The following SEZ6L2 variants were observed in gnomAD, a reference collection of about 807,000 sequenced individuals.
SEZ6L2 encodes seizure related 6 homolog like 2, also known as seizure 6-like protein 2.
SEZ6L2 carries 44 observed loss-of-function variants against 97.0 expected under a neutral mutation model. The observed-to-expected ratio is 0.45, with a 90% CI of 0.36 to 0.58. SEZ6L2 has a LOEUF of 0.58. Among genes scored for constraint, SEZ6L2 ranks in the 20% least tolerant of loss-of-function variants. SEZ6L2 has a pLI of 0.00. For missense variants in SEZ6L2, 1,086 were observed against 1,233.3 expected (o/e 0.88, Z 1.79); for synonymous variants, 543 against 546.1 (o/e 0.99, Z 0.08).
intron 7 of SEZ6L2, among the ~76,000 whole-genome samples, chr16:29,886,593 A>G (rs962220104): frequency 4.6e-5 from 7 of 151,778 alleles, no homozygotes; most frequent in African/African-American, 9.7e-5. Flanking sequence ...AGGCAGGAGA[A>G]TAGCTTGAGC....
Position 29,871,403 on chromosome 16 carries a change from G to A in SEZ6L2, c.*296C>T. The A allele has an allele frequency of 1.9e-6, 1 of 533,090 alleles. No individual in the cohort carries two copies. Among genetic ancestry groups the A allele is most frequent in the East Asian group, 3.3e-5 (1 of 30,744 alleles). The allele number at this position is 533,090 out of a possible 1,614,324, so 33.0% of individuals were successfully genotyped here. A position where few individuals can be genotyped will look rare whatever the true frequency, so the allele number is the denominator to read the frequency against. ...CAGTCCTTGAGGGGTGCCCTGGGCAGGAGGGGCTGCAAGATTTGCAGGGAG... is the reference window on the plus strand; with the variant it reads ...CAGTCCTTGAGGGGTGCCCTGGGCAAGAGGGGCTGCAAGATTTGCAGGGAG... On this transcript the variant is annotated 3_prime_UTR_variant, in exon 18 of 18. Transcript: ENST00000617533.
At position 29,873,725 on chromosome 16, in the gene SEZ6L2, C is replaced by G; in HGVS notation, c.2109G>C (p.Met703Ile). 1 of 1,577,586 alleles carries G rather than the reference C, an allele frequency of 6.3e-7. No individual in the cohort carries two copies. The highest frequency in any genetic ancestry group is 1.3e-5 in the African/African-American group (1 of 74,592). Residue 703 changes from methionine (M) to isoleucine (I), a missense_variant, in exon 13 of 18, where the codon ATG becomes ATC. Met to Ile is a conservative substitution (Grantham distance 10, BLOSUM62 1). Transcript: ENST00000617533. The surrounding 1 kb of genome is among the most constrained non-coding windows in gnomAD (Gnocchi z 4.3). ...CAATCTCGCCAGGGTCAGCACAAGT[C>G]ATGACTGGTGGCAGAAGAACAAGGT... ...SAAPPACQKI[M>I]TCADPGEIAN...
At chr16:29,898,044 G>C in intron 1 of SEZ6L2, 60 bp from the exon 2 acceptor site, 1 of 1,602,708 alleles carries the variant, frequency 6.2e-7, no homozygotes, top group Non-Finnish European at 8.5e-7. Flanking sequence ...TCTCCAGAGA[G>C]ATATTTTCTA....
chr16:29,894,319 C>T (rs1378264070), intron 5 of SEZ6L2, among the ~76,000 whole-genome samples: 1 of 152,218 alleles, frequency 6.6e-6, no homozygotes, highest in African/African-American at 2.4e-5. Flanking sequence ...ACAATTCTAT[C>T]TTCCATGCTG....
At chr16:29,888,417 C>G in intron 6 of SEZ6L2, 123 bp downstream of exon 6, 2 of 1,007,504 alleles carry the variant, frequency 2.0e-6, no homozygotes, top group South Asian at 3.3e-5. Context: ...GGGGACTCCT[C>G]AGGGTAAACA....
intron 1 of SEZ6L2, among the ~76,000 whole-genome samples, chr16:29,898,538 G>A (rs2068458132): frequency 6.6e-6 from 1 of 151,820 alleles, no homozygotes; most frequent in African/African-American, 2.4e-5. Flanking sequence ...TGAAAATCTG[G>A]TCTTTGAGCC....
intron 8 of SEZ6L2, among the ~76,000 whole-genome samples, chr16:29,881,995 G>A (rs1469078561): frequency 7.6e-6 from 1 of 131,846 alleles, no homozygotes; most frequent in Non-Finnish European, 1.6e-5. Context: ...TTTTGAGACT[G>A]AGTCTCGCTC....
chr16:29,885,047 A>C (rs2068105926), intron 8 of SEZ6L2, among the ~76,000 whole-genome samples: 1 of 150,942 alleles, frequency 6.6e-6, no homozygotes, highest in African/African-American at 2.4e-5. Flanking sequence ...CTCTACTAAA[A>C]ATACAAAAAA....
chr16:29,899,207 C>T lies in SEZ6L2; in HGVS notation c.-188G>A, dbSNP rs2068479034. ...AGGGGCAGAATTGGGCTAGGGGTCG[C>T]CTGGAGCCCACCCCCCTTTGCTCAG... On this transcript the variant is annotated 5_prime_UTR_variant, in exon 1 of 18. Transcript: ENST00000617533. The T allele has an allele frequency of 1.7e-6, 1 of 585,778 alleles. No individual in the cohort carries two copies. The highest frequency in any genetic ancestry group is 3.0e-6 in the Non-Finnish European group (1 of 335,268). 36.3% of individuals were successfully genotyped at this position (585,778 alleles called of 1,614,324 possible).
chr16:29,897,124 G>A lies in SEZ6L2; in HGVS notation c.212-3C>T. 6.4e-7 allele frequency: 1 copy of A among 1,555,960 alleles called. No homozygotes were observed. Among genetic ancestry groups the A allele is most frequent in the Non-Finnish European group, 8.7e-7 (1 of 1,155,888 alleles). On this transcript the variant is annotated splice_region_variant and splice_polypyrimidine_tract_variant and intron_variant, in intron 2 of 17. Transcript: ENST00000617533. ...TAGCGTGGGGTCCCGATCAGATCCT[G>A]GGACAGTGCAGGGAATATCAGAGCA... is the stretch of plus-strand genomic sequence containing the variant.
chr16:29,892,489 C>T (rs1318433431), intron 5 of SEZ6L2, among the ~76,000 whole-genome samples: 1 of 152,216 alleles, frequency 6.6e-6, no homozygotes, highest in East Asian at 1.9e-4. Context: ...TCCCCAATAA[C>T]CAGGTCCCTA....
chr16:29,883,557 A>AATC, intron 8 of SEZ6L2, among the ~76,000 whole-genome samples: 1 of 152,078 alleles, frequency 6.6e-6, no homozygotes, highest in Non-Finnish European at 1.5e-5. Context: ...GGCCTCAAAC[A>AATC]ATCATCCCAC....
At chr16:29,895,114 G>C (rs767800166) in intron 5 of SEZ6L2, 145 bp downstream of exon 5, 36 of 697,838 alleles carry the variant, frequency 5.2e-5, no homozygotes, top group Non-Finnish European at 8.1e-5. Flanking sequence ...GGGAGGCAGA[G>C]CTTGCAGTGA....
chr16:29,884,360 C>T (rs972005732), intron 8 of SEZ6L2, among the ~76,000 whole-genome samples: 1 of 151,940 alleles, frequency 6.6e-6, no homozygotes, highest in Non-Finnish European at 1.5e-5. Flanking sequence ...GGGAGTCCCA[C>T]ATGGGCGAAT....
At position 29,895,388 on chromosome 16, in the gene SEZ6L2, G is replaced by A; in HGVS notation, c.724C>T (p.Pro242Ser). The A allele has an allele frequency of 6.2e-7, 1 of 1,614,076 alleles. No homozygotes were observed. The highest frequency in any genetic ancestry group is 8.5e-7 in the Non-Finnish European group (1 of 1,180,014). Residue 242 changes from proline (P) to serine (S), a missense_variant, in exon 5 of 18, where the codon CCC becomes TCC. Physicochemically the swap from Pro to Ser is moderately conservative, Grantham distance 74. Transcript: ENST00000617533. ...LAGGGSPGLA[P>S]RLLANSSMLG... ...ATGGATGAGTTGGCCAGGAGTCGGG[G>A]GGCCAGGCCTGGGGATCCCCCACCA...
chr16:29,895,643 C>T lies in SEZ6L2; in HGVS notation c.651+78G>A, dbSNP rs1031941397. 10 of 1,516,220 alleles carry T rather than the reference C, an allele frequency of 6.6e-6. No homozygotes were observed. In the African/African-American group the frequency reaches 1.4e-4, roughly 21 times the overall value. 93.9% of individuals were successfully genotyped at this position (1,516,220 alleles called of 1,614,324 possible). A position where few individuals can be genotyped will look rare whatever the true frequency, so the allele number is the denominator to read the frequency against. On this transcript the variant is annotated intron_variant, in intron 4 of 17. Transcript: ENST00000617533. ...GTCATCAGACAGGTTCTTTGGCTCC[C>T]AGGCCAAACCCGTGCACACCCACAG... is the stretch of plus-strand genomic sequence containing the variant.
intron 17 of SEZ6L2, 71 bp from the exon 18 acceptor site, chr16:29,871,799 G>A (rs1171058448): frequency 1.4e-6 from 2 of 1,403,074 alleles, no homozygotes; most frequent in Non-Finnish European, 2.0e-6. Context: ...ATGGGAGGAG[G>A]GGCAACGATC....
intron 15 of SEZ6L2, 40 bp downstream of exon 15, chr16:29,872,665 A>G (rs1211859148): frequency 6.2e-7 from 1 of 1,610,124 alleles, no homozygotes; most frequent in African/African-American, 1.3e-5. Flanking sequence ...TTGCCCTCCC[A>G]ACCTGGCCAG....
In SEZ6L2 at chr16:29,880,107, C is replaced by T. The variant is rs766626333; in HGVS notation, c.1373-43G>A. ...ATAACAATTAAGCATTAGGACAGGC[C>T]TCAAGGGATCTTAAATTGGGGATGT... On this transcript the variant is annotated intron_variant, in intron 8 of 17. Coordinates refer to ENST00000617533, the MANE Select transcript of SEZ6L2 (RefSeq NM_001243332.2). 4 of 1,578,576 alleles carry T rather than the reference C, an allele frequency of 2.5e-6. No homozygotes were observed. The South Asian group carries it at 4.5e-5, about 18-fold the overall frequency.
Sources: allele counts gnomAD v4.1 joint callset (sites outside exome capture counted in the v4.1 genomes callset), GRCh38; gene constraint gnomAD v4.1.1; non-coding constraint Gnocchi (gnomAD v3.1); transcripts MANE v1.5; gene names NCBI Gene and HGNC (gene_info 2026-07-23, HGNC 2026-07-21).